TET1: variants seen among roughly 807,000 people sequenced by gnomAD.
The protein encoded by TET1 is methylcytosine dioxygenase TET1.
Under a neutral mutation model 148.7 loss-of-function variants are expected in TET1, and 13 were observed. The observed-to-expected ratio is 0.09, with a 90% CI of 0.06 to 0.14. The LOEUF (loss-of-function observed/expected upper bound fraction) is 0.14, where lower values mean the gene tolerates loss of function less well. Among genes scored for constraint, TET1 ranks in the 10% least tolerant of loss-of-function variants. The pLI is 1.00. For missense variants in TET1, 2,182 were observed against 2,553.8 expected, an observed-to-expected ratio of 0.85 and a Z score of 3.14; for synonymous variants, 907 against 937.2, an observed-to-expected ratio of 0.97 and a Z score of 0.59.
At chr10:68,600,927 G>A (rs1376692075) in intron 2 of TET1, 54 bp from the exon 3 acceptor site, 3 of 1,532,966 alleles carry the variant, frequency 2.0e-6, no homozygotes, top group Non-Finnish European at 2.7e-6. Context: ...GGGGATGTGG[G>A]AGCTAATTTT....
chr10:68,647,501 G>A (rs2054868711), intron 4 of TET1, among the ~76,000 whole-genome samples: 1 of 152,064 alleles, frequency 6.6e-6, no homozygotes, highest in South Asian at 2.1e-4. Flanking sequence ...CTACTCGGTT[G>A]GCTGAGGCAG....
intron 8 of TET1, among the ~76,000 whole-genome samples, chr10:68,675,685 A>G (rs1041619281): frequency 7.3e-5 from 11 of 150,804 alleles, no homozygotes; most frequent in African/African-American, 2.2e-4. Context: ...TCAGCCTTTC[A>G]AAGTGCTGGG....
intron 6 of TET1, among the ~76,000 whole-genome samples, chr10:68,661,978 C>T (rs7907674): frequency 0.18 from 26,504 of 148,984 alleles, 3,012 homozygotes; most frequent in African/African-American, 0.31. Context: ...GTGGTTCAAG[C>T]GATTCTCATG....
chr10:68,602,214 A>C (rs2054065401), intron 3 of TET1, among the ~76,000 whole-genome samples: 1 of 152,218 alleles, frequency 6.6e-6, no homozygotes, highest in African/African-American at 2.4e-5. Context: ...ACAAATTTTC[A>C]CTGGGCCTGG....
chr10:68,584,037 CT>C (rs774508301), intron 2 of TET1, among the ~76,000 whole-genome samples: 170 of 145,240 alleles, frequency 1.2e-3, no homozygotes, highest in African/African-American at 1.6e-3. Flanking sequence ...AATAAAATAT[CT>C]TTTTTTTTTT....
chr10:68,587,726 G>A (rs2053875790), intron 2 of TET1, among the ~76,000 whole-genome samples: 1 of 152,186 alleles, frequency 6.6e-6, no homozygotes, highest in African/African-American at 2.4e-5. Context: ...GGAAAGGAAG[G>A]TGGAAGGAGA....
At chr10:68,569,813 A>G (rs1052879963) in intron 1 of TET1, among the ~76,000 whole-genome samples, 4 of 152,112 alleles carry the variant, frequency 2.6e-5, no homozygotes, top group African/African-American at 9.7e-5. Flanking sequence ...TTAAAAATGC[A>G]TGAAACTACA....
intron 6 of TET1, among the ~76,000 whole-genome samples, chr10:68,659,936 G>A (rs1385862991): frequency 2.6e-5 from 4 of 152,144 alleles, no homozygotes; most frequent in African/African-American, 9.7e-5. Flanking sequence ...TCATTTTCTT[G>A]TAATATGTAG....
intron 2 of TET1, among the ~76,000 whole-genome samples, chr10:68,576,127 G>A (rs552717049): frequency 6.6e-6 from 1 of 152,140 alleles, no homozygotes; most frequent in African/African-American, 2.4e-5. Context: ...AGGCTGAGGT[G>A]GACAGATCAC....
intron 2 of TET1, among the ~76,000 whole-genome samples, chr10:68,586,002 CAAA>C (rs36101307): frequency 3.0e-4 from 39 of 132,200 alleles, no homozygotes; most frequent in Admixed American, 2.5e-3. Flanking sequence ...GACTCCATCT[CAAA>C]AAAAAAAAAA....
chr10:68,663,830 A>C (rs182184152), intron 6 of TET1, among the ~76,000 whole-genome samples: 2 of 152,204 alleles, frequency 1.3e-5, no homozygotes, highest in African/African-American at 4.8e-5. Context: ...TCCTATATGC[A>C]TGTGACATGA....
intron 3 of TET1, among the ~76,000 whole-genome samples, chr10:68,603,313 A>G (rs2054081925): frequency 6.6e-6 from 1 of 152,124 alleles, no homozygotes; most frequent in Non-Finnish European, 1.5e-5. Context: ...CATTTTCATC[A>G]TCTATTAGAA....
At chr10:68,566,050 C>T (rs1327087918) in intron 1 of TET1, among the ~76,000 whole-genome samples, 4 of 152,152 alleles carry the variant, frequency 2.6e-5, no homozygotes, top group African/African-American at 9.7e-5. Context: ...ATCTTAATTA[C>T]AAGTCTGAAT....
intron 8 of TET1, chr10:68,674,809 GA>G (rs1362839616): frequency 8.4e-6 from 4 of 477,868 alleles, no homozygotes; most frequent in African/African-American, 8.0e-5. Context: ...GCCAAATCTG[GA>G]ACAAGTTGAT....
chr10:68,600,366 T>C (rs908839810), intron 2 of TET1, among the ~76,000 whole-genome samples: 2 of 152,140 alleles, frequency 1.3e-5, no homozygotes, highest in Non-Finnish European at 2.9e-5. Context: ...TGCATTGTTT[T>C]TGTTGAAGCC....
chr10:68,642,678 C>T (rs973996843), intron 3 of TET1, among the ~76,000 whole-genome samples: 3 of 151,992 alleles, frequency 2.0e-5, no homozygotes, highest in Admixed American at 6.6e-5. Context: ...AATCTTGGCT[C>T]ACTGCAACCT....
intron 3 of TET1, among the ~76,000 whole-genome samples, chr10:68,627,500 T>G (rs1224212246): frequency 2.7e-5 from 4 of 150,114 alleles, no homozygotes; most frequent in African/African-American, 9.8e-5. Flanking sequence ...GGAGGCTGAG[T>G]TAGGAGAATC....
In TET1 at chr10:68,629,472, TGTAA is replaced by T. The variant is rs371323262; in HGVS notation, c.1969-15222_1969-15219del. ...ATGAAATATAATCAGATATTTAGCTTGTAAGTATTTTTGAAATGTTGAGATATTT... is the reference window on the plus strand; with the variant it reads ...ATGAAATATAATCAGATATTTAGCTTGTATTTTTGAAATGTTGAGATATTT... On this transcript the variant is annotated intron_variant, in intron 3 of 11. Coordinates refer to ENST00000373644, the MANE Select transcript of TET1 (RefSeq NM_030625.3). 6.6e-3 allele frequency among the ~76,000 whole-genome samples: 1,000 copies of T among 152,230 alleles called. 15 individuals carry two copies. The highest frequency in any genetic ancestry group is 0.021 in the African/African-American group (871 of 41,546).
Position 68,659,043 on chromosome 10 carries a change from C to T in TET1, c.4461+6449C>T, listed in dbSNP as rs138884968. ...AGGAGTTCAAGACCAGGCTGGCCAACGTGGTGAAATCCCATCTTTGCTAAA... is the reference window on the plus strand; with the variant it reads ...AGGAGTTCAAGACCAGGCTGGCCAATGTGGTGAAATCCCATCTTTGCTAAA... On this transcript the variant is annotated intron_variant, in intron 6 of 11. Transcript: ENST00000373644. 7.6e-3 allele frequency among the ~76,000 whole-genome samples: 1,152 copies of T among 152,146 alleles called. 20 individuals carry two copies. Among genetic ancestry groups the T allele is most frequent in the African/African-American group, 0.026 (1,097 of 41,490 alleles).
Sources: allele counts gnomAD v4.1 joint callset (sites outside exome capture counted in the v4.1 genomes callset), GRCh38; gene constraint gnomAD v4.1.1; transcripts MANE v1.5; gene names NCBI Gene and HGNC (gene_info 2026-07-23, HGNC 2026-07-21).